Variants in LRRC9 observed in about 807,000 individuals in gnomAD.
The protein encoded by LRRC9 is leucine rich repeat containing 9.
A neutral mutation model predicts 63.2 loss-of-function variants in LRRC9; 122 were observed. The ratio of observed to expected loss-of-function variants is 1.93; its 90% CI spans 1.67 to 2.24. LRRC9 has a LOEUF of 2.24. Ranked by LOEUF, LRRC9 falls within the 30% of genes most tolerant of loss-of-function variation. LRRC9 has a pLI of 0.00. For synonymous variants in LRRC9, 366 were observed against 213.1 expected (o/e 1.72, Z -6.25); for missense variants, 1,071 against 627.7 (o/e 1.71, Z -7.55).
At chr14:59,975,873 G>T (rs556352064) in intron 13 of LRRC9, among the ~76,000 whole-genome samples, 367 of 152,136 alleles carry the variant, frequency 2.4e-3, no homozygotes, top group Non-Finnish European at 3.3e-3. Context: ...CCACAGACTG[G>T]TTGCAGTTTG....
intron 23 of LRRC9, among the ~76,000 whole-genome samples, chr14:60,014,154 T>C (rs1890489052): frequency 6.6e-6 from 1 of 152,114 alleles, no homozygotes; most frequent in Admixed American, 6.6e-5. Flanking sequence ...GTTGACATTT[T>C]ACCAGTTTGA....
At chr14:60,041,315 G>A (rs189918197) in intron 29 of LRRC9, among the ~76,000 whole-genome samples, 1 of 152,126 alleles carries the variant, frequency 6.6e-6, no homozygotes, top group Non-Finnish European at 1.5e-5. Context: ...TGCCTCGCTA[G>A]GTTGGGGAAG....
chr14:60,010,897 C>T (rs1392307772), intron 23 of LRRC9, among the ~76,000 whole-genome samples: 1 of 152,192 alleles, frequency 6.6e-6, no homozygotes, highest in African/African-American at 2.4e-5. Flanking sequence ...TCACTATCAG[C>T]ATTTTGGTCA....
rs182571690 is a variant in LRRC9, at chr14:59,922,465, C to T, written c.-34+2582C>T. ...GAGAGACTTTTTAAGATAGGAAAGA[C>T]TTAATATTTATATACAGAAATAAAG... On this transcript the variant is annotated intron_variant, in intron 1 of 31. Transcript: ENST00000445360. The surrounding 1 kb of genome is among the most constrained non-coding windows in gnomAD (Gnocchi z 5.3). 1.1e-3 allele frequency among the ~76,000 whole-genome samples: 174 copies of T among 152,134 alleles called. No homozygotes were observed. The highest frequency in any genetic ancestry group is 6.8e-3 in the Middle Eastern group (2 of 294).
At position 59,929,549 on chromosome 14, in the gene LRRC9, C is replaced by G. The variant is rs550412165; in HGVS notation, c.267+1063C>G. ...CTCAAAGACCTAAAAACAGAAATAC[C>G]ATTCAACCCAGCAATTCCATTACTG... On this transcript the variant is annotated intron_variant, in intron 3 of 31. Coordinates refer to ENST00000445360, the Ensembl canonical transcript of LRRC9. Among the ~76,000 whole-genome samples the G allele has an allele frequency of 7.9e-5, 12 of 152,096 alleles. No homozygotes were observed. In the South Asian group the frequency reaches 2.5e-3, roughly 32 times the overall value.
chr14:60,039,685 T>C (rs1213988553), intron 29 of LRRC9, among the ~76,000 whole-genome samples: 1 of 152,194 alleles, frequency 6.6e-6, no homozygotes, highest in Non-Finnish European at 1.5e-5. Flanking sequence ...TAGTGGCCTA[T>C]CAGTTTTGTT....
In LRRC9 at chr14:60,017,463, C is replaced by A. The variant is rs1436951591; in HGVS notation, c.3317+673C>A. On this transcript the variant is annotated intron_variant, in intron 24 of 31. Coordinates refer to ENST00000445360, the Ensembl canonical transcript of LRRC9. The surrounding 1 kb of genome is among the most constrained non-coding windows in gnomAD (Gnocchi z 4.0). ...GATGTTTCTCCTCCATGCTGTCATC[C>A]TTGACTTTTTAAAATAGATTTTATT... 6.6e-6 allele frequency among the ~76,000 whole-genome samples: 1 copy of A among 152,056 alleles called. No homozygotes were observed. The highest frequency in any genetic ancestry group is 1.5e-5 in the Non-Finnish European group (1 of 68,004).
At chr14:59,974,743 A>G in intron 13 of LRRC9, 35 bp downstream of exon 13, 1 of 604,614 alleles carries the variant, frequency 1.7e-6, no homozygotes, top group South Asian at 1.9e-5. Flanking sequence ...TGAACTTTTA[A>G]GTTCTGTCTT....
chr14:60,029,758 A>C (rs219406), intron 28 of LRRC9, among the ~76,000 whole-genome samples: 129,148 of 152,078 alleles, frequency 0.85, 55,280 homozygotes, highest in Non-Finnish European at 0.9. Context: ...TAAATGACAA[A>C]TTATATATCA....
chr14:59,990,013 C>G lies in LRRC9; in HGVS notation c.2211+4789C>G, dbSNP rs1291846582. Among the ~76,000 whole-genome samples the G allele has an allele frequency of 1.3e-5, 2 of 151,646 alleles. No homozygotes were observed. Among genetic ancestry groups the G allele is most frequent in the African/African-American group, 2.4e-5 (1 of 41,244 alleles). On this transcript the variant is annotated intron_variant, in intron 17 of 31. Transcript: ENST00000445360. This position sits in a 1 kb window ranked among gnomAD's most constrained non-coding sequence, Gnocchi z 4.2. ...CGCAATCTCGGCTCACCGCAACATC[C>G]ACCTCCTGGATTCAAGTAATTCTCC...
At chr14:59,996,352 A>T (rs1888787910) in intron 17 of LRRC9, among the ~76,000 whole-genome samples, 2 of 152,162 alleles carry the variant, frequency 1.3e-5, no homozygotes, top group South Asian at 2.1e-4. Flanking sequence ...ATTTTCAGAA[A>T]TTTTTTTAGG....
intron 8 of LRRC9, among the ~76,000 whole-genome samples, chr14:59,957,227 A>G (rs1883861700): frequency 6.6e-6 from 1 of 152,146 alleles, no homozygotes; most frequent in African/African-American, 2.4e-5. Flanking sequence ...GTGTTTTCCA[A>G]CTTGGTTGCA....
chr14:59,965,271 A>G (rs1015692744), intron 10 of LRRC9, among the ~76,000 whole-genome samples: 1 of 151,960 alleles, frequency 6.6e-6, no homozygotes, highest in Admixed American at 6.6e-5. Flanking sequence ...TCCTCCTCCA[A>G]TTTTCAGATC....
intron 8 of LRRC9, among the ~76,000 whole-genome samples, chr14:59,952,817 C>T (rs1402809141): frequency 6.6e-6 from 1 of 152,144 alleles, no homozygotes; most frequent in Non-Finnish European, 1.5e-5. Context: ...TTGCCCCCCA[C>T]CTCGCAACAG....
intron 8 of LRRC9, among the ~76,000 whole-genome samples, chr14:59,951,728 C>T (rs552287624): frequency 3.6e-4 from 55 of 151,424 alleles, no homozygotes; most frequent in Non-Finnish European, 7.7e-4. Flanking sequence ...ACAGGACCCT[C>T]AGCTGCAGGT....
At chr14:60,065,258 T>C (rs1038190964), downstream of LRRC9, among the ~76,000 whole-genome samples, 1 of 151,900 alleles carries the variant, frequency 6.6e-6, no homozygotes, top group Non-Finnish European at 1.5e-5. Flanking sequence ...TGTGCTCCTG[T>C]AGTCCCAGCT....
rs1566867847 is a variant in LRRC9, at chr14:60,004,353, T to G, written c.2842+555T>G. 6.6e-6 allele frequency among the ~76,000 whole-genome samples: 1 copy of G among 152,068 alleles called. No homozygotes were observed. The highest frequency in any genetic ancestry group is 2.4e-5 in the African/African-American group (1 of 41,436). On this transcript the variant is annotated intron_variant, in intron 21 of 31. Transcript: ENST00000445360. This position sits in a 1 kb window ranked among gnomAD's most constrained non-coding sequence, Gnocchi z 4.8. ...GTTATATTTGGAAATTTGAATACTTTAACAAGAAATGAAAATTATACTCAC... is the reference window on the plus strand; with the variant it reads ...GTTATATTTGGAAATTTGAATACTTGAACAAGAAATGAAAATTATACTCAC...
downstream of LRRC9, among the ~76,000 whole-genome samples, chr14:60,064,253 TG>T (rs1451651062): frequency 1.3e-5 from 2 of 152,224 alleles, no homozygotes; most frequent in African/African-American, 4.8e-5. Flanking sequence ...TGAATTTGCT[TG>T]TTACAGTTAC....
chr14:59,977,004 A>C (rs1348254932), intron 13 of LRRC9, among the ~76,000 whole-genome samples: 1 of 152,144 alleles, frequency 6.6e-6, no homozygotes, highest in African/African-American at 2.4e-5. Context: ...ATAATCACAC[A>C]ACACCTCTTT....
Sources: gnomAD v4.1 joint callset for allele counts (sites outside exome capture counted in the v4.1 genomes callset) on GRCh38, gnomAD v4.1.1 for gene constraint, Gnocchi (gnomAD v3.1) non-coding constraint, MANE v1.5 for transcripts, NCBI Gene and HGNC (gene_info 2026-07-23, HGNC 2026-07-21) for gene names.